Variants in LGSN observed in about 807,000 individuals in gnomAD.
The protein encoded by LGSN is lengsin, lens protein with glutamine synthetase domain.
A neutral mutation model predicts 19.5 loss-of-function variants in LGSN; 21 were observed. The observed-to-expected ratio is 1.07, with a 90% confidence interval of 0.76 to 1.55. LGSN has a LOEUF of 1.55. Among genes scored for constraint, LGSN ranks in the 40% most tolerant of loss-of-function variants. The pLI, the probability that LGSN is intolerant of heterozygous loss-of-function variation, is 0.00. For missense variants in LGSN, 673 were observed against 608.5 expected, an observed-to-expected ratio of 1.11 and a Z score of -1.12; for synonymous variants, 257 against 215.6, an observed-to-expected ratio of 1.19 and a Z score of -1.68.
At chr6:63,532,928 G>A in the LGSN span, among the ~76,000 whole-genome samples, 1 of 152,144 alleles carries the variant, frequency 6.6e-6, no homozygotes, top group Non-Finnish European at 1.5e-5. Context: ...TTGCACTAAG[G>A]TATTACATAC....
chr6:63,285,051 A>C (rs1341662717), intron 3 of LGSN, among the ~76,000 whole-genome samples: 1 of 152,250 alleles, frequency 6.6e-6, no homozygotes, highest in East Asian at 1.9e-4. Context: ...GGAAGTCTCA[A>C]AACAACAAAA....
chr6:63,308,398 A>G (rs1768481101), intron 1 of LGSN, among the ~76,000 whole-genome samples: 1 of 152,148 alleles, frequency 6.6e-6, no homozygotes, highest in Non-Finnish European at 1.5e-5. Context: ...ATGGTTTAAT[A>G]TAAGTTTATC....
intron 2 of LGSN, among the ~76,000 whole-genome samples, chr6:63,289,122 C>G (rs1025173615): frequency 1.3e-5 from 2 of 152,164 alleles, no homozygotes; most frequent in Admixed American, 1.3e-4. Flanking sequence ...TTTCTTGGTA[C>G]TTGTAGCAGT....
upstream of LGSN, among the ~76,000 whole-genome samples, chr6:63,321,771 A>C (rs928493099): frequency 6.6e-6 from 1 of 152,198 alleles, no homozygotes; most frequent in Admixed American, 6.5e-5. Context: ...AAAAATAATA[A>C]ATGGTCAATA....
At chr6:63,426,616 G>T in the LGSN span, among the ~76,000 whole-genome samples, 18 of 152,020 alleles carry the variant, frequency 1.2e-4, no homozygotes, top group Non-Finnish European at 4.4e-5. Context: ...CCAGGTTCAA[G>T]TAATTCTCAT....
At chr6:63,468,391 G>A in the LGSN span, among the ~76,000 whole-genome samples, 2 of 152,064 alleles carry the variant, frequency 1.3e-5, no homozygotes, top group Admixed American at 6.6e-5. Context: ...GCTTCTCATA[G>A]TGCTGGGATT....
chr6:63,465,864 G>A, the LGSN span, among the ~76,000 whole-genome samples: 1 of 152,272 alleles, frequency 6.6e-6, no homozygotes, highest in African/African-American at 2.4e-5. Context: ...AGAAGAAACA[G>A]CAAGCAGCAA....
the LGSN span, among the ~76,000 whole-genome samples, chr6:63,483,626 T>G: frequency 8.8e-3 from 1,334 of 152,120 alleles, 23 homozygotes; most frequent in African/African-American, 0.031. Context: ...CTTTTCTTAT[T>G]GTTTTCTGCA....
chr6:63,529,333 A>T, the LGSN span, among the ~76,000 whole-genome samples: 3 of 150,164 alleles, frequency 2.0e-5, no homozygotes, highest in African/African-American at 7.6e-5. Flanking sequence ...AAATGGTCTT[A>T]TTGCAAGACA....
the LGSN span, among the ~76,000 whole-genome samples, chr6:63,523,624 C>T: frequency 6.6e-6 from 1 of 152,242 alleles, no homozygotes; most frequent in South Asian, 2.1e-4. Flanking sequence ...AGATCTAAGA[C>T]ATCTTATTTG....
intron 1 of LGSN, among the ~76,000 whole-genome samples, chr6:63,298,719 A>G (rs188960122): frequency 6.6e-6 from 1 of 152,350 alleles, no homozygotes; most frequent in South Asian, 2.1e-4. Flanking sequence ...TCTTATAAAG[A>G]TAATTTAAAA....
At chr6:63,416,125 C>CTT in the LGSN span, among the ~76,000 whole-genome samples, 24 of 136,336 alleles carry the variant, frequency 1.8e-4, 1 homozygote, top group South Asian at 4.7e-3. Context: ...TTTTTTTTTG[C>CTT]TTTTTTTTTT....
the LGSN span, among the ~76,000 whole-genome samples, chr6:63,440,110 G>A: frequency 6.6e-6 from 1 of 152,214 alleles, no homozygotes; most frequent in African/African-American, 2.4e-5. Context: ...CTACTTGTAA[G>A]TTCTGAGTTT....
At chr6:63,375,465 A>G in the LGSN span, among the ~76,000 whole-genome samples, 1 of 151,808 alleles carries the variant, frequency 6.6e-6, no homozygotes, top group Admixed American at 6.6e-5. Context: ...ACTAGTTTGC[A>G]CTGAAATTGC....
chr6:63,493,528 G>A, the LGSN span, among the ~76,000 whole-genome samples: 81,534 of 152,050 alleles, frequency 0.54, 23,683 homozygotes, highest in African/African-American at 0.77. Flanking sequence ...ATTTAATTCA[G>A]GTTTGGAAAC....
chr6:63,486,870 G>A, the LGSN span, among the ~76,000 whole-genome samples: 2 of 150,294 alleles, frequency 1.3e-5, no homozygotes, highest in Admixed American at 6.7e-5. Flanking sequence ...GAATCTTGCT[G>A]TGTTACCCAG....
chr6:63,318,844 C>A (rs2127398674), intron 1 of LGSN, among the ~76,000 whole-genome samples: 1 of 152,228 alleles, frequency 6.6e-6, no homozygotes, highest in Non-Finnish European at 1.5e-5. Context: ...AGTTAGAAAT[C>A]AAAATCCCAA....
chr6:63,374,471 G>C, the LGSN span, among the ~76,000 whole-genome samples: 1 of 152,120 alleles, frequency 6.6e-6, no homozygotes. Flanking sequence ...TTGATTCTAA[G>C]ATGCATCTCA....
the LGSN span, among the ~76,000 whole-genome samples, chr6:63,337,352 C>T: frequency 5.3e-5 from 8 of 151,050 alleles, no homozygotes; most frequent in Admixed American, 5.3e-4. Context: ...AATCCCGTTA[C>T]TCATGTGACT....
Sources: allele counts gnomAD v4.1 joint callset (sites outside exome capture counted in the v4.1 genomes callset), GRCh38; gene constraint gnomAD v4.1.1; transcripts MANE v1.5; gene names NCBI Gene and HGNC (gene_info 2026-07-23, HGNC 2026-07-21).